Variants in LIG4 observed in about 807,000 individuals in gnomAD.
LIG4 encodes the protein DNA joinase.
LIG4 carries 13 observed loss-of-function variants against 19.0 expected under a neutral mutation model. That is an observed-to-expected ratio of 0.68 (90% confidence interval 0.44 to 1.09). LIG4 has a LOEUF of 1.09. LIG4 is among the 50% of genes least tolerant of loss of function. The pLI, the probability that LIG4 is intolerant of heterozygous loss-of-function variation, is 0.00. For missense variants in LIG4, 1,026 were observed against 1,089.7 expected (o/e 0.94, Z 0.82); for synonymous variants, 361 against 358.2 (o/e 1.01, Z -0.09).
chr13:108,218,019 C>G (rs574552649), upstream of LIG4: 1 of 152,228 alleles, frequency 6.6e-6, no homozygotes, highest in South Asian at 2.1e-4. Context: ...AAGGTTCAGG[C>G]CTCACAAAAC....
chr13:108,208,941 T>G lies in LIG4; in HGVS notation c.2328A>C (p.Glu776Asp), dbSNP rs1211489610. 5 of 1,614,072 alleles carry G rather than the reference T, an allele frequency of 3.1e-6. No homozygotes were observed. The highest frequency in any genetic ancestry group is 4.2e-6 in the Non-Finnish European group (5 of 1,180,040). The change falls in exon 3 of 3, where the codon GAA (glutamate) becomes GAC (aspartate). Residue 776 changes from glutamate to aspartate, a missense_variant. Physicochemically the swap from Glu to Asp is conservative, Grantham distance 45 (BLOSUM62 2). Coordinates refer to ENST00000442234, the MANE Select transcript of LIG4 (RefSeq NM_206937.2). ...TAGAATTTTTAATTCCTGAGAATAC[T>G]TCCTTCAGTTGGTTCAAGTCTGTAT... is the stretch of plus-strand genomic sequence containing the variant. Reference protein sequence around the residue: ...FIDTDLNQLKEVFSGIKNSNE... With the variant: ...FIDTDLNQLKDVFSGIKNSNE...
chr13:108,208,969 A>G lies in LIG4; in HGVS notation c.2300T>C (p.Ile767Thr), dbSNP rs750390328. 1.4e-5 allele frequency: 22 copies of G among 1,614,192 alleles called. No homozygotes were observed. The highest frequency in any genetic ancestry group is 1.2e-4 in the African/African-American group (9 of 75,064). Residue 767 changes from isoleucine to threonine, a missense_variant, in exon 3 of 3, where the codon ATT (isoleucine) becomes ACT (threonine). By Grantham distance (89) the Ile-to-Thr change is moderately conservative (BLOSUM62 -1). Around this residue, in one of 3 missense-constraint regions of LIG4, gnomAD observed 521 missense variants for 515.5 expected, o/e 1.01. Transcript: ENST00000442234. ...CTTCAGTTGGTTCAAGTCTGTATCA[A>G]TGAAATAACTATCACCATAGCAATC... is the stretch of plus-strand genomic sequence containing the variant. ...EYDCYGDSYF[I>T]DTDLNQLKEV... is the part of the protein sequence containing the mutation.
rs779944478 is a variant in LIG4 at position 108,210,679 on chromosome 13, C to G, written c.590G>C (p.Gly197Ala). 5.1e-5 allele frequency: 82 copies of G among 1,613,728 alleles called. 1 individual carries two copies. The South Asian group carries it at 6.0e-4, about 12-fold the overall frequency. ...AGAAAAGATAGTTTGCTGACTAACA[C>G]CAAGCTTTAAATCCTTTATGATCAT... ...IRMIIKDLKL[G>A]VSQQTIFSVF... Residue 197 changes from glycine (G) to alanine (A), a missense_variant, in exon 3 of 3, where the codon GGT becomes GCT. Coordinates refer to ENST00000442234, the MANE Select transcript of LIG4 (RefSeq NM_206937.2).
At position 108,207,870 on chromosome 13, in the gene LIG4, C is replaced by T. The variant is rs971850590; in HGVS notation, c.*663G>A. The T allele has an allele frequency of 6.6e-6, 1 of 152,198 alleles. No homozygotes were observed. Among genetic ancestry groups the T allele is most frequent in the Non-Finnish European group, 1.5e-5 (1 of 68,020 alleles). The allele number at this position is 152,198 out of a possible 1,614,324, so 9.4% of individuals were successfully genotyped here. A position where few individuals can be genotyped will look rare whatever the true frequency, so the allele number is the denominator to read the frequency against. On this transcript the variant is annotated 3_prime_UTR_variant, in exon 3 of 3. Coordinates refer to ENST00000442234, the MANE Select transcript of LIG4 (RefSeq NM_206937.2). ...CACACAAGAAATTAAATGTGAGCTA[C>T]TTTTAAAATTGCAAGCTTTATTTTT...
At position 108,209,624 on chromosome 13, in the gene LIG4, T is replaced by G. The variant is rs563401216; in HGVS notation, c.1645A>C (p.Ile549Leu). 6.2e-7 allele frequency: 1 copy of G among 1,614,210 alleles called. No individual in the cohort carries two copies. Among genetic ancestry groups the G allele is most frequent in the South Asian group, 1.1e-5 (1 of 91,086 alleles). The change falls in exon 3 of 3, where the codon ATT (isoleucine) becomes CTT (leucine). Residue 549 changes from isoleucine to leucine, a missense_variant. Ile to Leu is a conservative substitution (Grantham distance 5). Coordinates refer to ENST00000442234, the MANE Select transcript of LIG4 (RefSeq NM_206937.2). ...LCGTEKPEVY[I>L]EPCNSVIVQI... ...ACAATGACAGAATTACAAGGTTCAA[T>G]GTATACTTCTGGCTTCTCTGTTCCA... is the stretch of plus-strand genomic sequence containing the variant.
chr13:108,211,393 A>G, intron 2 of LIG4, 97 bp from the exon 3 acceptor site: 1 of 735,238 alleles, frequency 1.4e-6, no homozygotes, highest in Non-Finnish European at 2.3e-6. Flanking sequence ...ATCATAATAA[A>G]TGTTTATTAA....
chr13:108,208,360 C>T lies in LIG4; in HGVS notation c.*173G>A. The stretch of plus-strand genomic sequence containing the variant: ...ATAATTTTTCTTTCTTGGCTTTGGG[C>T]TATTGTCTTTTCAACCTTAAAAGTT... On this transcript the variant is annotated 3_prime_UTR_variant, in exon 3 of 3. Transcript: ENST00000442234. The T allele has an allele frequency of 1.8e-6, 1 of 566,648 alleles. No homozygotes were observed. Among genetic ancestry groups the T allele is most frequent in the Non-Finnish European group, 3.1e-6 (1 of 323,006 alleles). The allele number at this position is 566,648 out of a possible 1,614,324, so 35.1% of individuals were successfully genotyped here.
Position 108,209,695 on chromosome 13 carries a change from T to C in LIG4, c.1574A>G (p.Tyr525Cys). ...LYDLGLKLAK[Y>C]WKPFHRKAPP... ...AGCTTTTCTATGAAAAGGCTTCCAA[T>C]ACTTGGCCAATTTCAAACCCAGATC... Residue 525 changes from tyrosine (Y) to cysteine (C), a missense_variant, in exon 3 of 3, where the codon TAT becomes TGT. This residue lies in a region of LIG4 where 521 missense variants were observed against 515.5 expected (regional missense o/e 1.01). Transcript: ENST00000442234. The C allele has an allele frequency of 6.2e-7, 1 of 1,614,146 alleles. No homozygotes were observed. The highest frequency in any genetic ancestry group is 8.5e-7 in the Non-Finnish European group (1 of 1,180,016).
Position 108,210,620 on chromosome 13 carries a change from CATT to C in LIG4, c.646_648del (p.Asn216del), listed in dbSNP as rs754488811. 5.6e-6 allele frequency: 9 copies of C among 1,613,638 alleles called. No individual in the cohort carries two copies. The East Asian group carries it at 1.8e-4, about 32-fold the overall frequency. ...CAGACTTTTTCCAGATCTGTAGTGA[CATT>C]ATGCAACTCAGCAGCATCATTATGA... is the stretch of plus-strand genomic sequence containing the variant. On this transcript the variant is annotated inframe_deletion, in exon 3 of 3. Transcript: ENST00000442234.
chr13:108,210,378 G>C lies in LIG4; in HGVS notation c.891C>G (p.Asn297Lys). The change falls in exon 3 of 3, where the codon AAC becomes AAG. Residue 297 changes from asparagine to lysine, a missense_variant. Transcript: ENST00000442234. ...VYKYFSRNGYNYTDQFGASPT... is the reference protein window; with the variant it reads ...VYKYFSRNGYKYTDQFGASPT... ...GAGAAGCACCAAACTGATCAGTGTA[G>C]TTATATCCATTTCGAGAGAAGTATT... 6.2e-7 allele frequency: 1 copy of C among 1,613,910 alleles called. No homozygotes were observed. Among genetic ancestry groups the C allele is most frequent in the Non-Finnish European group, 8.5e-7 (1 of 1,179,934 alleles).
chr13:108,217,464 GAGCC>G (rs1879365606), upstream of LIG4, among the ~76,000 whole-genome samples: 2 of 152,098 alleles, frequency 1.3e-5, no homozygotes, highest in African/African-American at 4.8e-5. Flanking sequence ...AGGTTGCGGT[GAGCC>G]GAGATCTTGC....
intron 2 of LIG4, 27 bp downstream of exon 2, chr13:108,214,511 A>C (rs993321099): frequency 6.6e-6 from 1 of 151,556 alleles, no homozygotes; most frequent in Non-Finnish European, 1.5e-5. Flanking sequence ...ACTCTCCCCC[A>C]ACCCTTCACG....
intron 2 of LIG4, 90 bp downstream of exon 2, chr13:108,214,448 G>C (rs1594474334): frequency 6.6e-6 from 1 of 151,990 alleles, no homozygotes. Context: ...GTACCCTCTC[G>C]GAAAATGGAA....
Position 108,209,058 on chromosome 13 carries a change from T to C in LIG4, c.2211A>G (p.Pro737=), listed in dbSNP as rs1049742097. ...LECFKTKSFV[P]WQPRFMIHMC... is the part of the protein sequence containing the mutation. ...TATGAATCATAAAGCGAGGCTGCCA[T>C]GGTACAAAGCTTTTGGTCTTAAAAC... Residue 737 remains proline (P), a synonymous_variant, in exon 3 of 3, where the codon CCA becomes CCG. Coordinates refer to ENST00000442234, the MANE Select transcript of LIG4 (RefSeq NM_206937.2). 14 of 1,614,052 alleles carry C rather than the reference T, an allele frequency of 8.7e-6. No individual in the cohort carries two copies. Among genetic ancestry groups the C allele is most frequent in the Non-Finnish European group, 8.5e-6 (10 of 1,180,034 alleles).
At position 108,211,241 on chromosome 13, in the gene LIG4, CAGTTTGTGA is replaced by C; in HGVS notation, c.19_27del (p.Ser7_Thr9del). On this transcript the variant is annotated inframe_deletion, in exon 3 of 3. Transcript: ENST00000442234. ...TCTGCAAAAGGAACGTGAGATGCAACAGTTTGTGAAGTTTGTGAGGCAGCCATCAAAGCG... is the reference window on the plus strand; with the variant it reads ...TCTGCAAAAGGAACGTGAGATGCAACAGTTTGTGAGGCAGCCATCAAAGCG... 6.2e-7 allele frequency: 1 copy of C among 1,612,710 alleles called. No homozygotes were observed. Among genetic ancestry groups the C allele is most frequent in the Non-Finnish European group, 8.5e-7 (1 of 1,179,858 alleles).
At position 108,209,933 on chromosome 13, in the gene LIG4, C is replaced by T. The variant is rs1878432366; in HGVS notation, c.1336G>A (p.Gly446Arg). Residue 446 changes from glycine to arginine, a missense_variant, in exon 3 of 3, where the codon GGG becomes AGG. Transcript: ENST00000442234. The stretch of plus-strand genomic sequence containing the variant: ...TACTCTGGTTTAATTTTTAACCACC[C>T]TTCACCTCTTTTGTCTGGCTTGTAG... ...SIYKPDKRGE[G>R]WLKIKPEYVS... is the part of the protein sequence containing the mutation. 1.2e-6 allele frequency: 2 copies of T among 1,613,904 alleles called. No individual in the cohort carries two copies. The highest frequency in any genetic ancestry group is 1.3e-5 in the African/African-American group (1 of 74,924).
chr13:108,209,731 T>C lies in LIG4; in HGVS notation c.1538A>G (p.Lys513Arg), dbSNP rs538857114. The C allele has an allele frequency of 1.1e-5, 17 of 1,614,082 alleles. 1 individual carries two copies. In the East Asian group the frequency reaches 3.1e-4, roughly 30 times the overall value. ...TTTCAAACCCAGATCATACAGTTCT[T>C]TCATGGTGCAGCCAGACCCAACACG... ...LSRVGSGCTM[K>R]ELYDLGLKLA... Residue 513 changes from lysine (K) to arginine (R), a missense_variant, in exon 3 of 3, where the codon AAA becomes AGA. Around this residue, in one of 3 missense-constraint regions of LIG4, gnomAD observed 521 missense variants for 515.5 expected, o/e 1.01. Transcript: ENST00000442234.
At position 108,209,097 on chromosome 13, in the gene LIG4, T is replaced by C. The variant is rs1878271809; in HGVS notation, c.2172A>G (p.Ala724=). 2.5e-6 allele frequency: 4 copies of C among 1,614,090 alleles called. No individual in the cohort carries two copies. The highest frequency in any genetic ancestry group is 2.2e-5 in the South Asian group (2 of 91,092). Residue 724 remains alanine (A), a synonymous_variant, in exon 3 of 3, where the codon GCA becomes GCG. Transcript: ENST00000442234. ...TGGTCTTAAAACATTCTAAAAGCCA[T>C]GCAGGCTTGACAACATCATGTTTAT... The part of the protein sequence containing the change: ...LSNKHDVVKP[A]WLLECFKTKS...
upstream of LIG4, chr13:108,218,059 T>C (rs1879400570): frequency 6.6e-6 from 1 of 152,184 alleles, no homozygotes; most frequent in Non-Finnish European, 1.5e-5. Context: ...TCCACTCTCG[T>C]AGAGGTAAAA....
Sources: gnomAD v4.1 joint callset for allele counts (sites outside exome capture counted in the v4.1 genomes callset) on GRCh38, gnomAD v4.1.1 for gene constraint, gnomAD v4.1.1 regional missense constraint, MANE v1.5 for transcripts, NCBI Gene and HGNC (gene_info 2026-07-23, HGNC 2026-07-21) for gene names.